NOX4: variants seen among roughly 807,000 people sequenced by gnomAD.
NOX4 encodes the protein NADPH oxidase 4.
A neutral mutation model predicts 87.6 loss-of-function variants in NOX4; 69 were observed. The observed-to-expected ratio is 0.79, with a 90% confidence interval of 0.65 to 0.96. The LOEUF (loss-of-function observed/expected upper bound fraction) is 0.96. Among genes scored for constraint, NOX4 ranks in the 40% least tolerant of loss-of-function variants. The pLI is 0.00. For synonymous variants in NOX4, 275 were observed against 238.2 expected, an observed-to-expected ratio of 1.15 and a Z score of -1.42; for missense variants, 680 against 681.5, an observed-to-expected ratio of 1.00 and a Z score of 0.02.
At chr11:89,552,881 T>G in the NOX4 span, among the ~76,000 whole-genome samples, 1 of 152,188 alleles carries the variant, frequency 6.6e-6, no homozygotes, top group Non-Finnish European at 1.5e-5. Context: ...ATGTGTTTAT[T>G]ACACATCTTA....
chr11:89,347,922 T>C (rs2134943158), intron 13 of NOX4, among the ~76,000 whole-genome samples: 1 of 152,328 alleles, frequency 6.6e-6, no homozygotes, highest in Non-Finnish European at 1.5e-5. Flanking sequence ...ATCTTTCTCC[T>C]TGGCTTAAAA....
intron 2 of NOX4, among the ~76,000 whole-genome samples, chr11:89,478,203 CA>C (rs398115611): frequency 8.6e-6 from 1 of 116,190 alleles, no homozygotes; most frequent in Non-Finnish European, 1.8e-5. Flanking sequence ...TGTCCCCTGA[CA>C]AAAAAAAATC....
intron 2 of NOX4, among the ~76,000 whole-genome samples, chr11:89,460,022 C>G (rs1945379581): frequency 6.6e-6 from 1 of 152,148 alleles, no homozygotes; most frequent in Admixed American, 6.5e-5. Flanking sequence ...CTACAACCAT[C>G]TGATCTTTGA....
chr11:89,586,503 G>T, the NOX4 span, among the ~76,000 whole-genome samples: 1 of 152,132 alleles, frequency 6.6e-6, no homozygotes, highest in Non-Finnish European at 1.5e-5. Context: ...AGTGCATTAT[G>T]CAAAATAATG....
chr11:89,385,136 T>C (rs1940599964), intron 11 of NOX4, among the ~76,000 whole-genome samples: 1 of 152,192 alleles, frequency 6.6e-6, no homozygotes, highest in African/African-American at 2.4e-5. Context: ...TGCATCAATA[T>C]TTATACTGAC....
chr11:89,488,512 T>C (rs909727072), intron 2 of NOX4, among the ~76,000 whole-genome samples: 1 of 152,200 alleles, frequency 6.6e-6, no homozygotes, highest in African/African-American at 2.4e-5. Flanking sequence ...TCCAAGTTCA[T>C]GAAAATTAAT....
At chr11:89,481,276 T>C (rs1418478138) in intron 2 of NOX4, among the ~76,000 whole-genome samples, 1 of 151,760 alleles carries the variant, frequency 6.6e-6, no homozygotes, top group African/African-American at 2.4e-5. Context: ...TGTGTGTGTA[T>C]ATATATATAC....
At chr11:89,483,609 G>T (rs1946478503) in intron 2 of NOX4, among the ~76,000 whole-genome samples, 1 of 151,458 alleles carries the variant, frequency 6.6e-6, no homozygotes, top group Admixed American at 6.6e-5. Context: ...TGGTGGGGGT[G>T]GGAGGGGGTT....
At chr11:89,518,374 G>T in the NOX4 span, among the ~76,000 whole-genome samples, 1 of 96,356 alleles carries the variant, frequency 1.0e-5, no homozygotes, top group Non-Finnish European at 1.9e-5. Flanking sequence ...AGAAAGTCTT[G>T]GGGGGGGGAC....
intron 2 of NOX4, among the ~76,000 whole-genome samples, chr11:89,474,022 TCA>T (rs1476704888): frequency 3.3e-5 from 5 of 152,148 alleles, no homozygotes; most frequent in Non-Finnish European, 5.9e-5. Context: ...GACAAACTCT[TCA>T]CAGAGTTCAA....
chr11:89,438,070 G>A (rs79472531), intron 6 of NOX4, among the ~76,000 whole-genome samples: 1,861 of 151,114 alleles, frequency 0.012, 35 homozygotes, highest in African/African-American at 0.042. Context: ...GGTAGACCCA[G>A]GAAATTTGTA....
At chr11:89,457,722 A>C (rs191732169) in intron 2 of NOX4, among the ~76,000 whole-genome samples, 44 of 152,318 alleles carry the variant, frequency 2.9e-4, no homozygotes, top group African/African-American at 1.0e-3. Flanking sequence ...CATCCAAAGA[A>C]CAGTAACTTC....
At chr11:89,458,710 A>G (rs965311613) in intron 2 of NOX4, among the ~76,000 whole-genome samples, 3 of 152,170 alleles carry the variant, frequency 2.0e-5, no homozygotes, top group African/African-American at 7.2e-5. Context: ...ACAATATTCA[A>G]CATCACTAAT....
intron 11 of NOX4, among the ~76,000 whole-genome samples, chr11:89,395,537 T>C (rs537160774): frequency 4.6e-5 from 7 of 152,280 alleles, no homozygotes; most frequent in Non-Finnish European, 8.8e-5. Flanking sequence ...TTTGGCTTTT[T>C]TTGCTTTGGC....
chr11:89,478,935 A>C (rs1032128422), intron 2 of NOX4, among the ~76,000 whole-genome samples: 1 of 151,960 alleles, frequency 6.6e-6, no homozygotes, highest in Admixed American at 6.6e-5. Flanking sequence ...GCTGTAGTGC[A>C]CTATGATCAT....
intron 2 of NOX4, among the ~76,000 whole-genome samples, chr11:89,456,685 T>G (rs1190990230): frequency 6.6e-6 from 1 of 152,108 alleles, no homozygotes; most frequent in Non-Finnish European, 1.5e-5. Flanking sequence ...CCAAAAATCC[T>G]GGCAACAAGA....
intron 6 of NOX4, among the ~76,000 whole-genome samples, chr11:89,436,550 T>C (rs957185660): frequency 6.6e-6 from 1 of 152,196 alleles, no homozygotes; most frequent in African/African-American, 2.4e-5. Flanking sequence ...TTTATGCATA[T>C]TAAATTTATT....
intron 4 of NOX4, among the ~76,000 whole-genome samples, chr11:89,448,863 A>G (rs1028071200): frequency 6.6e-6 from 1 of 152,178 alleles, no homozygotes; most frequent in African/African-American, 2.4e-5. Flanking sequence ...AGCCTGGGCA[A>G]CAGTGCCAGG....
chr11:89,399,057 A>C (rs1340859331), intron 11 of NOX4, among the ~76,000 whole-genome samples: 3 of 151,910 alleles, frequency 2.0e-5, no homozygotes, highest in Non-Finnish European at 4.4e-5. Context: ...AATTTTTTTA[A>C]GTTTGTATTT....
Sources: allele counts gnomAD v4.1 joint callset (sites outside exome capture counted in the v4.1 genomes callset), GRCh38; gene constraint gnomAD v4.1.1; transcripts MANE v1.5; gene names NCBI Gene and HGNC (gene_info 2026-07-23, HGNC 2026-07-21).